Variants in DCDC1 observed in about 807,000 individuals in gnomAD.
DCDC1 encodes doublecortin domain-containing protein 1.
A neutral mutation model predicts 178.3 loss-of-function variants in DCDC1; 200 were observed. That is an observed-to-expected ratio of 1.12 (90% CI 1.00 to 1.26). The LOEUF (loss-of-function observed/expected upper bound fraction) is 1.26. Among genes scored for constraint, DCDC1 ranks in the 50% most tolerant of loss-of-function variants. The pLI is 0.00. For synonymous variants in DCDC1, 690 were observed against 604.8 expected, an observed-to-expected ratio of 1.14 and a Z score of -2.07; for missense variants, 1,983 against 1,749.2, an observed-to-expected ratio of 1.13 and a Z score of -2.38.
intron 36 of DCDC1, among the ~76,000 whole-genome samples, chr11:30,890,068 A>G (rs1431230087): frequency 6.6e-6 from 1 of 152,192 alleles, no homozygotes; most frequent in Admixed American, 6.5e-5. Flanking sequence ...GAACACAGCA[A>G]GAAGGTGGCT....
At chr11:31,041,858 A>C (rs1428682982) in intron 20 of DCDC1, among the ~76,000 whole-genome samples, 1 of 152,222 alleles carries the variant, frequency 6.6e-6, no homozygotes, top group African/African-American at 2.4e-5. Context: ...AAAAGATAAA[A>C]GAAGTAAAAA....
chr11:31,245,062 CCT>C (rs989436552), intron 8 of DCDC1, among the ~76,000 whole-genome samples: 17 of 151,552 alleles, frequency 1.1e-4, no homozygotes, highest in African/African-American at 1.9e-4. Flanking sequence ...CATTTCCTCC[CCT>C]CTTTCCCCAC....
chr11:31,325,448 C>T (rs1261464157), intron 3 of DCDC1, among the ~76,000 whole-genome samples: 2 of 151,944 alleles, frequency 1.3e-5, no homozygotes, highest in Non-Finnish European at 2.9e-5. Context: ...GAGGATGAAA[C>T]CTTTGGTATA....
chr11:31,307,044 A>G (rs1437145523), intron 4 of DCDC1, among the ~76,000 whole-genome samples: 1 of 152,158 alleles, frequency 6.6e-6, no homozygotes, highest in East Asian at 1.9e-4. Context: ...ATAATTCTCT[A>G]ACTAACCAAG....
intron 20 of DCDC1, among the ~76,000 whole-genome samples, chr11:31,035,797 C>T (rs1953987849): frequency 6.6e-6 from 1 of 152,174 alleles, no homozygotes; most frequent in African/African-American, 2.4e-5. Context: ...TTATACTGTT[C>T]CGATGTTGAT....
At chr11:30,908,668 CTT>C (rs1216385785) in intron 29 of DCDC1, among the ~76,000 whole-genome samples, 1 of 152,080 alleles carries the variant, frequency 6.6e-6, no homozygotes, top group Non-Finnish European at 1.5e-5. Context: ...TAAATAAAGA[CTT>C]ATTTCCCTAG....
intron 5 of DCDC1, 118 bp from the exon 6 acceptor site, chr11:31,305,895 C>T: frequency 1.7e-6 from 2 of 1,176,592 alleles, no homozygotes; most frequent in Non-Finnish European, 2.3e-6. Context: ...CTTGCCAATA[C>T]AGTTATTTTC....
chr11:31,337,964 A>G (rs1053496960), intron 1 of DCDC1, among the ~76,000 whole-genome samples: 4 of 152,310 alleles, frequency 2.6e-5, no homozygotes, highest in Admixed American at 2.6e-4. Flanking sequence ...ACTGACCTGT[A>G]TTCAAATCTC....
At chr11:31,006,928 A>T (rs1395691858) in intron 20 of DCDC1, among the ~76,000 whole-genome samples, 1 of 152,208 alleles carries the variant, frequency 6.6e-6, no homozygotes, top group Admixed American at 6.5e-5. Context: ...TTTACCTTTG[A>T]CCAATGCTAT....
At chr11:31,074,779 G>C (rs544273605) in intron 18 of DCDC1, among the ~76,000 whole-genome samples, 1 of 152,306 alleles carries the variant, frequency 6.6e-6, no homozygotes, top group African/African-American at 2.4e-5. Flanking sequence ...GTAATGAACA[G>C]AGGCTGTGAG....
intron 1 of DCDC1, among the ~76,000 whole-genome samples, chr11:31,354,354 G>C (rs976868371): frequency 6.6e-6 from 1 of 152,212 alleles, no homozygotes; most frequent in African/African-American, 2.4e-5. Context: ...AGGTCACATG[G>C]ATGTGAGTAC....
intron 20 of DCDC1, among the ~76,000 whole-genome samples, chr11:30,953,015 T>C (rs1276913075): frequency 1.3e-5 from 2 of 151,910 alleles, no homozygotes; most frequent in Non-Finnish European, 2.9e-5. Context: ...ACAAAATATC[T>C]GAATGCTATA....
At chr11:31,011,871 T>C (rs914511136) in intron 20 of DCDC1, among the ~76,000 whole-genome samples, 1 of 152,234 alleles carries the variant, frequency 6.6e-6, no homozygotes, top group African/African-American at 2.4e-5. Flanking sequence ...ATATTTGTTA[T>C]CTGATACGGT....
intron 37 of DCDC1, among the ~76,000 whole-genome samples, chr11:30,880,330 A>G (rs932914806): frequency 2.6e-5 from 4 of 152,070 alleles, no homozygotes; most frequent in Non-Finnish European, 5.9e-5. Flanking sequence ...ATCCTAATAA[A>G]TCCCGTCTCC....
chr11:31,228,787 G>T (rs1975355225), intron 9 of DCDC1, among the ~76,000 whole-genome samples: 1 of 151,944 alleles, frequency 6.6e-6, no homozygotes, highest in African/African-American at 2.4e-5. Context: ...TTTCAATTTA[G>T]GTTAAGTGAA....
intron 17 of DCDC1, among the ~76,000 whole-genome samples, chr11:31,090,226 A>AT (rs1396374300): frequency 6.6e-6 from 1 of 152,034 alleles, no homozygotes; most frequent in Non-Finnish European, 1.5e-5. Context: ...CATCTGCCTG[A>AT]TTTTTTCAAG....
chr11:31,235,891 T>C (rs1002318123), intron 9 of DCDC1, among the ~76,000 whole-genome samples: 1 of 152,008 alleles, frequency 6.6e-6, no homozygotes, highest in African/African-American at 2.4e-5. Flanking sequence ...GAGATGTCAA[T>C]AAAGCTCTCT....
At chr11:31,238,353 T>C (rs894893709) in intron 9 of DCDC1, among the ~76,000 whole-genome samples, 2 of 152,078 alleles carry the variant, frequency 1.3e-5, no homozygotes, top group African/African-American at 4.8e-5. Flanking sequence ...AAAAGCTCTA[T>C]GTGGGATGAT....
At chr11:31,366,723 C>T (rs1046553761) in intron 1 of DCDC1, among the ~76,000 whole-genome samples, 1 of 152,128 alleles carries the variant, frequency 6.6e-6, no homozygotes, top group African/African-American at 2.4e-5. Flanking sequence ...TGATTATTGT[C>T]AAAGAAGAAG....
Sources: gnomAD v4.1 joint callset for allele counts (sites outside exome capture counted in the v4.1 genomes callset) on GRCh38, gnomAD v4.1.1 for gene constraint, MANE v1.5 for transcripts, NCBI Gene and HGNC (gene_info 2026-07-23, HGNC 2026-07-21) for gene names.